PTPRD: variants seen among roughly 807,000 people sequenced by gnomAD.
The protein encoded by PTPRD is protein tyrosine phosphatase receptor type D, also known as receptor-type tyrosine-protein phosphatase delta.
A neutral mutation model predicts 214.5 loss-of-function variants in PTPRD; 34 were observed. The observed-to-expected ratio is 0.16, with a 90% CI of 0.12 to 0.21. The LOEUF is 0.21. Ranked by LOEUF, PTPRD falls within the 10% of genes least tolerant of loss-of-function variation. The pLI is 1.00. For missense variants in PTPRD, 2,545 were observed against 2,398.7 expected (o/e 1.06, Z -1.27); for synonymous variants, 1,128 against 845.7 (o/e 1.33, Z -5.79).
intron 17 of PTPRD, 145 bp downstream of exon 17, chr9:8,526,482 T>C: frequency 6.1e-6 from 3 of 495,102 alleles, no homozygotes; most frequent in Non-Finnish European, 1.0e-5. Context: ...TGAGAGTCAC[T>C]GATCATAACC....
intron 39 of PTPRD, among the ~76,000 whole-genome samples, chr9:8,359,041 G>T (rs2077689856): frequency 7.5e-6 from 1 of 133,100 alleles, no homozygotes; most frequent in African/African-American, 2.8e-5. Flanking sequence ...CTGGGAGGCG[G>T]AGCTTGCAGT....
intron 8 of PTPRD, among the ~76,000 whole-genome samples, chr9:9,400,547 A>T (rs1300575901): frequency 6.6e-6 from 1 of 152,054 alleles, no homozygotes. Context: ...TTTCAGTTCA[A>T]TTATCTTTTC....
intron 10 of PTPRD, among the ~76,000 whole-genome samples, chr9:9,164,399 T>C (rs1413427757): frequency 6.6e-6 from 1 of 152,138 alleles, no homozygotes; most frequent in Non-Finnish European, 1.5e-5. Context: ...TCTTGGTGAT[T>C]ACATTGGGCC....
intron 14 of PTPRD, among the ~76,000 whole-genome samples, chr9:8,548,131 G>C (rs902165041): frequency 2.0e-5 from 3 of 152,164 alleles, no homozygotes; most frequent in African/African-American, 7.2e-5. Flanking sequence ...ATGTAGTAAA[G>C]GGCCTTCAAG....
In PTPRD at chr9:8,763,014, A is replaced by C. The variant is rs143327111; in HGVS notation, c.-103-29068T>G. ...CAATGAGTCTCTGTAGTTAATAACC[A>C]ACCTGAGCATTCAGGTAGGCTCAGG... On this transcript the variant is annotated intron_variant, in intron 11 of 45. Transcript: ENST00000381196. Among the ~76,000 whole-genome samples, 461 of 152,298 alleles carry C rather than the reference A, an allele frequency of 3.0e-3. 1 individual carries two copies. Among genetic ancestry groups the C allele is most frequent in the African/African-American group, 9.7e-3 (402 of 41,542 alleles).
rs145008025 is a variant in PTPRD at position 9,955,605 on chromosome 9, G to C, written c.-471-16995C>G. Among the ~76,000 whole-genome samples, 1,766 of 150,932 alleles carry C rather than the reference G, an allele frequency of 0.012. 51 individuals carry two copies. In the East Asian group the frequency reaches 0.12, roughly 11 times the overall value. The stretch of plus-strand genomic sequence containing the variant: ...GTGGCACGATCTTGGCTAACTGCAA[G>C]CTCCGCCTCCCAGGTTCACGCCATT... On this transcript the variant is annotated intron_variant, in intron 4 of 45. Transcript: ENST00000381196.
At chr9:8,691,657 G>T (rs769150584) in intron 12 of PTPRD, among the ~76,000 whole-genome samples, 4 of 152,152 alleles carry the variant, frequency 2.6e-5, no homozygotes, top group Non-Finnish European at 4.4e-5. Flanking sequence ...CTTTGAGGTT[G>T]TAAAATAGTA....
chr9:8,612,158 T>G (rs1372094436), intron 14 of PTPRD, among the ~76,000 whole-genome samples: 5 of 152,160 alleles, frequency 3.3e-5, no homozygotes, highest in Admixed American at 1.3e-4. Context: ...GAAGCAGGAA[T>G]AGCATTCATT....
intron 11 of PTPRD, among the ~76,000 whole-genome samples, chr9:8,898,974 G>A (rs1329765797): frequency 6.6e-6 from 1 of 152,116 alleles, no homozygotes; most frequent in Non-Finnish European, 1.5e-5. Context: ...GAACATAAGT[G>A]GAGTATTTTA....
intron 9 of PTPRD, among the ~76,000 whole-genome samples, chr9:9,257,653 A>G (rs986889737): frequency 2.6e-5 from 4 of 151,834 alleles, no homozygotes; most frequent in Admixed American, 6.6e-5. Flanking sequence ...AAAAAACGTA[A>G]TCAGGCATGA....
intron 2 of PTPRD, among the ~76,000 whole-genome samples, chr9:10,378,942 T>C (rs1172681445): frequency 2.6e-5 from 4 of 151,978 alleles, no homozygotes; most frequent in African/African-American, 7.2e-5. Flanking sequence ...TTCTTCCAGT[T>C]CATGAACATG....
chr9:9,487,948 T>C (rs940862627), intron 8 of PTPRD, among the ~76,000 whole-genome samples: 1 of 152,168 alleles, frequency 6.6e-6, no homozygotes, highest in African/African-American at 2.4e-5. Flanking sequence ...GTCAAAATAA[T>C]AGCTTGAAAT....
At chr9:10,202,305 C>A (rs1448052701) in intron 3 of PTPRD, among the ~76,000 whole-genome samples, 1 of 151,758 alleles carries the variant, frequency 6.6e-6, no homozygotes, top group Non-Finnish European at 1.5e-5. Flanking sequence ...GCAGGAGCCC[C>A]CCCACAACCA....
chr9:9,696,248 T>C (rs1242828444), intron 7 of PTPRD, among the ~76,000 whole-genome samples: 2 of 152,188 alleles, frequency 1.3e-5, no homozygotes, highest in African/African-American at 4.8e-5. Context: ...GAATGTTTCA[T>C]ACGTTTATAA....
chr9:10,326,781 A>G (rs1008393805), intron 3 of PTPRD, among the ~76,000 whole-genome samples: 1 of 151,568 alleles, frequency 6.6e-6, no homozygotes, highest in Non-Finnish European at 1.5e-5. Flanking sequence ...AAATAGAAAA[A>G]GGGGCTCTCT....
At chr9:9,933,174 G>T (rs569346792) in intron 5 of PTPRD, among the ~76,000 whole-genome samples, 614 of 152,178 alleles carry the variant, frequency 4.0e-3, no homozygotes, top group African/African-American at 0.014. Flanking sequence ...ATCAACTAAC[G>T]TGCAAAATAA....
intron 8 of PTPRD, among the ~76,000 whole-genome samples, chr9:9,398,715 T>C (rs2068898351): frequency 6.6e-6 from 1 of 152,078 alleles, no homozygotes; most frequent in Admixed American, 6.6e-5. Context: ...TTATATTTTT[T>C]AGATTTAAAA....
At position 8,449,578 on chromosome 9, in the gene PTPRD, T is replaced by C. The variant is rs991217957; in HGVS notation, c.3988+147A>G. The C allele has an allele frequency of 1.9e-5, 13 of 686,098 alleles. No individual in the cohort carries two copies. In the African/African-American group the frequency reaches 2.0e-4, roughly 11 times the overall value. The allele number at this position is 686,098 out of a possible 1,614,324, so 42.5% of individuals were successfully genotyped here. A position where few individuals can be genotyped will look rare whatever the true frequency, so the allele number is the denominator to read the frequency against. ...ACTTAATTTCCTTTCAGACTTTTGCTTGGGCAAGTCTCCATAATAGTAAAA... is the reference window on the plus strand; with the variant it reads ...ACTTAATTTCCTTTCAGACTTTTGCCTGGGCAAGTCTCCATAATAGTAAAA... On this transcript the variant is annotated intron_variant, in intron 34 of 45. Coordinates refer to ENST00000381196, the MANE Select transcript of PTPRD (RefSeq NM_002839.4).
intron 27 of PTPRD, among the ~76,000 whole-genome samples, chr9:8,487,165 TAA>T (rs1351821072): frequency 1.3e-5 from 2 of 152,192 alleles, no homozygotes; most frequent in Non-Finnish European, 2.9e-5. Flanking sequence ...GAAATTCATG[TAA>T]AAGTCTTAGC....
Sources: gnomAD v4.1 joint callset for allele counts (sites outside exome capture counted in the v4.1 genomes callset) on GRCh38, gnomAD v4.1.1 for gene constraint, MANE v1.5 for transcripts, NCBI Gene and HGNC (gene_info 2026-07-23, HGNC 2026-07-21) for gene names.